Variants in SCRIB observed in about 807,000 individuals in gnomAD.
The protein encoded by SCRIB is protein scribble homolog.
In SCRIB, 72 loss-of-function variants were observed where a neutral mutation model predicts 170.0. That is an observed-to-expected ratio of 0.42 (90% CI 0.35 to 0.52). SCRIB has a LOEUF of 0.52. Among genes scored for constraint, SCRIB ranks in the 20% least tolerant of loss-of-function variants. The pLI, the probability that SCRIB is intolerant of heterozygous loss-of-function variation, is 0.02. For synonymous variants in SCRIB, 1,298 were observed against 1,044.3 expected (o/e 1.24, Z -4.68); for missense variants, 2,475 against 2,338.5 (o/e 1.06, Z -1.20).
intron 24 of SCRIB, among the ~76,000 whole-genome samples, 181 bp from the exon 25 acceptor site, chr8:143,795,711 G>A (rs1050320920): frequency 5.9e-5 from 9 of 152,212 alleles, no homozygotes; most frequent in East Asian, 1.9e-4. Context: ...CCCCCAGGAC[G>A]CTGCAGCACT....
Position 143,813,122 on chromosome 8 carries a change from G to C in SCRIB, c.568-18C>G. On this transcript the variant is annotated intron_variant, in intron 6 of 36. Transcript: ENST00000356994. ...GTGTCTGGCTGCAAGAAGGAACAGA[G>C]AAAATAGTGACTATGAGGCAAAGCC... 6.4e-7 allele frequency: 1 copy of C among 1,572,310 alleles called. No individual in the cohort carries two copies. The highest frequency in any genetic ancestry group is 1.1e-5 in the South Asian group (1 of 87,000).
Position 143,803,937 on chromosome 8 carries a change from G to A in SCRIB, c.3124C>T (p.Leu1042Phe), listed in dbSNP as rs1325038694. 1.1e-5 allele frequency: 17 copies of A among 1,579,402 alleles called. No homozygotes were observed. Among genetic ancestry groups the A allele is most frequent in the Non-Finnish European group, 1.4e-5 (16 of 1,161,276 alleles). The change falls in exon 23 of 37, where the codon CTC (leucine) becomes TTC (phenylalanine). Residue 1042 changes from leucine to phenylalanine, a missense_variant. Coordinates refer to ENST00000356994, the MANE Select transcript of SCRIB (RefSeq NM_182706.5). ...CTGCGAGCGGCCAGGCCCCGCGGGA[G>A]CACCTGTCAGGGAGGAGGGTGGCAG... is the stretch of plus-strand genomic sequence containing the variant. ...QEPGVFISKV[L>F]PRGLAARSGL...
Position 143,803,477 on chromosome 8 carries a change from T to C in SCRIB, c.3509A>G (p.His1170Arg). 1 of 1,600,400 alleles carries C rather than the reference T, an allele frequency of 6.2e-7. No individual in the cohort carries two copies. The highest frequency in any genetic ancestry group is 1.3e-5 in the African/African-American group (1 of 74,996). Reference sequence around the variant, plus strand: ...GCGGAGCAGCTGCACCGCCTCGCCGTGCGTCAGGCCCAGCAGGCTCTGCTG... The same window carrying C: ...GCGGAGCAGCTGCACCGCCTCGCCGCGCGTCAGGCCCAGCAGGCTCTGCTG... ...VNQQSLLGLT[H>R]GEAVQLLRSV... The change falls in exon 24 of 37, where the codon CAC becomes CGC. Residue 1170 changes from histidine (H) to arginine (R), a missense_variant. His to Arg is a conservative substitution (Grantham distance 29, BLOSUM62 0). This residue lies in a region of SCRIB where 1,966 missense variants were observed against 1,742.9 expected (regional missense o/e 1.13). Transcript: ENST00000356994.
At position 143,803,399 on chromosome 8, in the gene SCRIB, G is replaced by T. The variant is rs1554635376; in HGVS notation, c.3587C>A (p.Thr1196Asn). ...ATCGCTAACCTCCAGGGCTGCGTCG[G>T]TGCTGGCCTCAAAGCCGTCACAGAC... ...VLVCDGFEAS[T>N]DAALEVSPGV... The change falls in exon 24 of 37, where the codon ACC becomes AAC. Residue 1196 changes from threonine (T) to asparagine (N), a missense_variant. By Grantham distance (65) the Thr-to-Asn change is moderately conservative (BLOSUM62 0). Transcript: ENST00000356994. 1.3e-6 allele frequency: 2 copies of T among 1,584,280 alleles called. No individual in the cohort carries two copies. Among genetic ancestry groups the T allele is most frequent in the African/African-American group, 1.3e-5 (1 of 74,504 alleles).
intron 24 of SCRIB, 43 bp from the exon 25 acceptor site, chr8:143,795,573 G>C: frequency 1.3e-6 from 2 of 1,514,444 alleles, no homozygotes; most frequent in Non-Finnish European, 1.8e-6. Flanking sequence ...ACTGCAACCC[G>C]GGGTCCCACC....
Position 143,812,918 on chromosome 8 carries a change from T to G in SCRIB, c.686A>C (p.Glu229Ala). 1 of 1,612,536 alleles carries G rather than the reference T, an allele frequency of 6.2e-7. No individual in the cohort carries two copies. The highest frequency in any genetic ancestry group is 8.5e-7 in the Non-Finnish European group (1 of 1,179,912). Residue 229 changes from glutamate to alanine, a missense_variant, in exon 8 of 37, where the codon GAA (glutamate) becomes GCA (alanine). By Grantham distance (107) the Glu-to-Ala change is moderately radical. Transcript: ENST00000356994. ...AGCAGGCAGCTCCTCCAGCCGGTTT[T>G]CCGACACGTCCAGGCACACCAGGCG... ...LRRLVCLDVS[E>A]NRLEELPAEL...
rs1816035010 is a variant in SCRIB at position 143,815,387 on chromosome 8, G to A, written c.-15C>T. Reference sequence around the variant, plus strand: ...CACTTGAGCATGGTGCGGGTGGGCGGCGCGGGCTCCGGCGGCGGCGCTCGG... The same window carrying A: ...CACTTGAGCATGGTGCGGGTGGGCGACGCGGGCTCCGGCGGCGGCGCTCGG... On this transcript the variant is annotated 5_prime_UTR_variant, in exon 1 of 37. Transcript: ENST00000356994. The A allele has an allele frequency of 6.8e-6, 9 of 1,316,634 alleles. No individual in the cohort carries two copies. The highest frequency in any genetic ancestry group is 2.3e-5 in the South Asian group (1 of 43,956). 81.6% of individuals were successfully genotyped at this position (1,316,634 alleles called of 1,614,324 possible). A position where few individuals can be genotyped will look rare whatever the true frequency, so the allele number is the denominator to read the frequency against.
In SCRIB at chr8:143,815,467, G is replaced by A. The variant is rs1316028518; in HGVS notation, c.-95C>T. ...TCCGCATGGGCGCCGCGCATGGGGA[G>A]GGGGCGCAGGCAGGGGGCGGGCCGC... On this transcript the variant is annotated 5_prime_UTR_variant, in exon 1 of 37. Transcript: ENST00000356994. 408 of 1,073,462 alleles carry A rather than the reference G, an allele frequency of 3.8e-4. No homozygotes were observed. Among genetic ancestry groups the A allele is most frequent in the Non-Finnish European group, 4.1e-4 (366 of 887,530 alleles). The allele number at this position is 1,073,462 out of a possible 1,614,324, so 66.5% of individuals were successfully genotyped here. A position where few individuals can be genotyped will look rare whatever the true frequency, so the allele number is the denominator to read the frequency against.
chr8:143,792,689 C>A lies in SCRIB; in HGVS notation c.4177+19G>T. On this transcript the variant is annotated intron_variant, in intron 30 of 36. Coordinates refer to ENST00000356994, the MANE Select transcript of SCRIB (RefSeq NM_182706.5). ...GACCAGCCGAGACCCAACCCCCACC[C>A]CACTTCCGTGCCCCTCACCTTCCTC... is the stretch of plus-strand genomic sequence containing the variant. 6.3e-7 allele frequency: 1 copy of A among 1,587,696 alleles called. No homozygotes were observed. The highest frequency in any genetic ancestry group is 1.1e-5 in the South Asian group (1 of 88,916).
chr8:143,792,759 G>A lies in SCRIB; in HGVS notation c.4126C>T (p.Arg1376Cys), dbSNP rs746150496. The A allele has an allele frequency of 2.1e-5, 34 of 1,587,954 alleles. No homozygotes were observed. Among genetic ancestry groups the A allele is most frequent in the African/African-American group, 5.4e-5 (4 of 74,464 alleles). Residue 1376 changes from arginine to cysteine, a missense_variant, in exon 30 of 37, where the codon CGC (arginine) becomes TGC (cysteine). Arg to Cys is a radical substitution (Grantham distance 180). This residue lies in a region of SCRIB where 1,966 missense variants were observed against 1,742.9 expected (regional missense o/e 1.13). Coordinates refer to ENST00000356994, the MANE Select transcript of SCRIB (RefSeq NM_182706.5). ...TCGTCAGCACCCACCAGGGACACGC[G>A]CTTAGGGGGGCCCTCGGCCTGGGGC... ...RVPQAEGPPK[R>C]VSLVGADDLR...
rs538757774 is a variant in SCRIB at position 143,803,916 on chromosome 8, G to C, written c.3145C>G (p.Arg1049Gly). Residue 1049 changes from arginine (R) to glycine (G), a missense_variant, in exon 23 of 37, where the codon CGC becomes GGC. This residue lies in a region of SCRIB where 1,966 missense variants were observed against 1,742.9 expected (regional missense o/e 1.13). Transcript: ENST00000356994. ...CGGTCCCCAACCCGCAGGCCGCTGCGAGCGGCCAGGCCCCGCGGGAGCACC... is the reference window on the plus strand; with the variant it reads ...CGGTCCCCAACCCGCAGGCCGCTGCCAGCGGCCAGGCCCCGCGGGAGCACC... ...SKVLPRGLAA[R>G]SGLRVGDRIL... is the part of the protein sequence containing the mutation. The C allele has an allele frequency of 1.0e-5, 16 of 1,588,614 alleles. No individual in the cohort carries two copies. The highest frequency in any genetic ancestry group is 1.4e-5 in the Non-Finnish European group (16 of 1,167,026).
intron 21 of SCRIB, 76 bp downstream of exon 21, chr8:143,804,492 A>T: frequency 7.0e-7 from 1 of 1,420,486 alleles, no homozygotes; most frequent in Non-Finnish European, 9.3e-7. Context: ...GCAAGGCCAT[A>T]AGAGAGCAGG....
chr8:143,792,821 C>G lies in SCRIB; in HGVS notation c.4064G>C (p.Arg1355Pro), dbSNP rs1488591859. 3 of 1,549,682 alleles carry G rather than the reference C, an allele frequency of 1.9e-6. No homozygotes were observed. Among genetic ancestry groups the G allele is most frequent in the South Asian group, 1.2e-5 (1 of 81,916 alleles). ...PAASPEQLSF[R>P]ERQKYFELEV... ...CAGCTCAAAGTACTTCTGCCGCTCC[C>G]GGAAGGACAGCTGCTCCGGGGAGGC... Residue 1355 changes from arginine to proline, a missense_variant, in exon 30 of 37, where the codon CGG becomes CCG. Coordinates refer to ENST00000356994, the MANE Select transcript of SCRIB (RefSeq NM_182706.5).
In SCRIB at chr8:143,792,563, G is replaced by A. The variant is rs1554633134; in HGVS notation, c.4250C>T (p.Ala1417Val). The change falls in exon 31 of 37, where the codon GCC (alanine) becomes GTC (valine). Residue 1417 changes from alanine to valine, a missense_variant. Around this residue, in one of 3 missense-constraint regions of SCRIB, gnomAD observed 1,966 missense variants for 1,742.9 expected, o/e 1.13. Transcript: ENST00000356994. ...AAEAGAEARL[A>V]LDGETLGEEE... is the part of the protein sequence containing the mutation. ...CTCGCCCAGCGTCTCCCCGTCCAGG[G>A]CGAGCCTCGCTTCGGCCCCAGCCTC... is the stretch of plus-strand genomic sequence containing the variant. 1.3e-6 allele frequency: 2 copies of A among 1,570,698 alleles called. No individual in the cohort carries two copies. Among genetic ancestry groups the A allele is most frequent in the Admixed American group, 1.8e-5 (1 of 54,932 alleles).
rs1820073138 is a variant in SCRIB at position 143,791,401 on chromosome 8, A to G, written c.4810T>C (p.Ser1604Pro). Residue 1604 changes from serine to proline, a missense_variant, in exon 36 of 37, where the codon TCT becomes CCT. This residue lies in a region of SCRIB where 1,966 missense variants were observed against 1,742.9 expected (regional missense o/e 1.13). Transcript: ENST00000356994. Reference sequence around the variant, plus strand: ...GGCCCCAACTCACCAGGGCTGGGAGATGGTTCCAGGGACCTCAACTCCTCA... The same window carrying G: ...GGCCCCAACTCACCAGGGCTGGGAGGTGGTTCCAGGGACCTCAACTCCTCA... Reference protein sequence around the residue: ...FAEELRSLEPSPSPGPQEEDG... With the variant: ...FAEELRSLEPPPSPGPQEEDG... 3 of 1,610,522 alleles carry G rather than the reference A, an allele frequency of 1.9e-6. No homozygotes were observed. Among genetic ancestry groups the G allele is most frequent in the Middle Eastern group, 1.6e-4 (1 of 6,076 alleles).
At position 143,793,920 on chromosome 8, in the gene SCRIB, A is replaced by G; in HGVS notation, c.3889T>C (p.Cys1297Arg). 2 of 1,613,506 alleles carry G rather than the reference A, an allele frequency of 1.2e-6. No homozygotes were observed. The highest frequency in any genetic ancestry group is 1.7e-5 in the Admixed American group (1 of 60,010). ...AAGGKMAESP[C>R]SPSGQQPPSP... ...CTCACCTGCTGGCCACTAGGGGAGC[A>G]GGGAGATTCAGCCATCTTCCCTCCA... is the stretch of plus-strand genomic sequence containing the variant. The change falls in exon 28 of 37, where the codon TGC (cysteine) becomes CGC (arginine). Residue 1297 changes from cysteine to arginine, a missense_variant. Transcript: ENST00000356994.
At position 143,809,579 on chromosome 8, in the gene SCRIB, T is replaced by G; in HGVS notation, c.1670A>C (p.Glu557Ala). 1 of 1,611,400 alleles carries G rather than the reference T, an allele frequency of 6.2e-7. No homozygotes were observed. Among genetic ancestry groups the G allele is most frequent in the Non-Finnish European group, 8.5e-7 (1 of 1,179,732 alleles). Residue 557 changes from glutamate (E) to alanine (A), a missense_variant, in exon 14 of 37, where the codon GAG becomes GCG. Glu to Ala is a moderately radical substitution (Grantham distance 107). This residue lies in a region of SCRIB where 1,966 missense variants were observed against 1,742.9 expected (regional missense o/e 1.13). Transcript: ENST00000356994. ...SQQEATTAGG[E>A]EDAEEDYQEP... ...CTGGTAGTCCTCTTCGGCGTCTTCC[T>G]CCCCGCCAGCAGTCGTGGCTTCCTG...
rs374209126 is a variant in SCRIB at position 143,804,625 on chromosome 8, C to A, written c.2952G>T (p.Leu984Phe). The A allele has an allele frequency of 4.6e-6, 7 of 1,525,904 alleles. No individual in the cohort carries two copies. Among genetic ancestry groups the A allele is most frequent in the Non-Finnish European group, 6.2e-6 (7 of 1,137,876 alleles). The allele number at this position is 1,525,904 out of a possible 1,614,324, so 94.5% of individuals were successfully genotyped here. A position where few individuals can be genotyped will look rare whatever the true frequency, so the allele number is the denominator to read the frequency against. Residue 984 changes from leucine to phenylalanine, a missense_variant, in exon 21 of 37, where the codon TTG (leucine) becomes TTT (phenylalanine). Physicochemically the swap from Leu to Phe is conservative, Grantham distance 22 (BLOSUM62 0). Coordinates refer to ENST00000356994, the MANE Select transcript of SCRIB (RefSeq NM_182706.5). ...CCAGCAGGCTGGGGGCCAGGCTCGG[C>A]AACCCAGGCACCCCGGGGGTGGCAG... Reference protein sequence around the residue: ...ITTATPGVPGLPSLAPSLLAA... With the variant: ...ITTATPGVPGFPSLAPSLLAA...
At position 143,814,232 on chromosome 8, in the gene SCRIB, G is replaced by A. The variant is rs966446818; in HGVS notation, c.160-114C>T. ...GTCCCTAGGCCTCTGTCTGCTCCAG[G>A]TCACACCGGGTCCTGGGGTCTAACC... On this transcript the variant is annotated intron_variant, in intron 1 of 36. Coordinates refer to ENST00000356994, the MANE Select transcript of SCRIB (RefSeq NM_182706.5). The A allele has an allele frequency of 4.8e-6, 4 of 837,838 alleles. No homozygotes were observed. The African/African-American group carries it at 5.1e-5, about 11-fold the overall frequency. 51.9% of individuals were successfully genotyped at this position (837,838 alleles called of 1,614,324 possible).
Sources: gnomAD v4.1 joint callset for allele counts (sites outside exome capture counted in the v4.1 genomes callset) on GRCh38, gnomAD v4.1.1 for gene constraint, gnomAD v4.1.1 regional missense constraint, MANE v1.5 for transcripts, NCBI Gene and HGNC (gene_info 2026-07-23, HGNC 2026-07-21) for gene names.